DNAH1: variants seen among roughly 807,000 people sequenced by gnomAD.
DNAH1 encodes dynein axonemal heavy chain 1, also known as axonemal beta dynein heavy chain 1.
A neutral mutation model predicts 484.3 loss-of-function variants in DNAH1; 327 were observed. That is an observed-to-expected ratio of 0.68 (90% CI 0.62 to 0.74). The LOEUF (loss-of-function observed/expected upper bound fraction) is 0.74, where lower values mean the gene tolerates loss of function less well. Ranked by LOEUF, DNAH1 falls within the 30% of genes least tolerant of loss-of-function variation. DNAH1 has a pLI of 0.00. For synonymous variants in DNAH1, 2,192 were observed against 2,191.9 expected, an observed-to-expected ratio of 1.00 and a Z score of 0.00; for missense variants, 5,052 against 5,546.8, an observed-to-expected ratio of 0.91 and a Z score of 2.83.
intron 56 of DNAH1, 122 bp downstream of exon 56, chr3:52,386,975 GTC>G (rs1385814892): frequency 1.9e-6 from 2 of 1,042,512 alleles, no homozygotes; most frequent in Non-Finnish European, 2.7e-6. Flanking sequence ...CCTCTGTCCT[GTC>G]TCTCTCTGTC....
chr3:52,344,966 C>G (rs913444660), intron 9 of DNAH1, among the ~76,000 whole-genome samples: 8 of 152,206 alleles, frequency 5.3e-5, no homozygotes, highest in African/African-American at 1.7e-4. Context: ...GATAGTCCTT[C>G]TTCCTCCAGT....
Position 52,399,097 on chromosome 3 carries a change from T to C in DNAH1, c.12337T>C (p.Trp4113Arg). ...WIQDGIPAVF[W>R]ISGFFFPQAF... The stretch of plus-strand genomic sequence containing the variant: ...CCAAGATGGCATCCCAGCTGTCTTC[T>C]GGATCAGTGGATTCTTCTTCCCCCA... The change falls in exon 76 of 78, where the codon TGG becomes CGG. Residue 4113 changes from tryptophan (W) to arginine (R), a missense_variant. This residue lies in a region of DNAH1 where 853 missense variants were observed against 899.0 expected (regional missense o/e 0.95). Transcript: ENST00000420323. 1 of 1,614,080 alleles carries C rather than the reference T, an allele frequency of 6.2e-7. No homozygotes were observed. The highest frequency in any genetic ancestry group is 1.7e-5 in the Admixed American group (1 of 60,028).
intron 8 of DNAH1, among the ~76,000 whole-genome samples, chr3:52,340,481 C>A (rs1701896676): frequency 6.6e-6 from 1 of 151,922 alleles, no homozygotes; most frequent in African/African-American, 2.4e-5. Context: ...GTCACTCAGT[C>A]TGGAGAGCAG....
At chr3:52,370,353 C>A in intron 39 of DNAH1, 124 bp downstream of exon 39, 2 of 1,530,258 alleles carry the variant, frequency 1.3e-6, no homozygotes, top group Non-Finnish European at 1.8e-6. Flanking sequence ...ACAAGACCAC[C>A]TGTCCAATTG....
intron 46 of DNAH1, among the ~76,000 whole-genome samples, chr3:52,377,915 C>G (rs555922215): frequency 6.6e-6 from 1 of 152,144 alleles, no homozygotes; most frequent in Non-Finnish European, 1.5e-5. Context: ...GTCGTCCTTA[C>G]CAACAAGAGT....
At position 52,379,751 on chromosome 3, in the gene DNAH1, G is replaced by A. The variant is rs1232325068; in HGVS notation, c.7378-154G>A. On this transcript the variant is annotated intron_variant, in intron 47 of 77. Transcript: ENST00000420323. The surrounding 1 kb of genome is among the most constrained non-coding windows in gnomAD (Gnocchi z 4.4). The stretch of plus-strand genomic sequence containing the variant: ...AGCCAGCCAGCAGTTGCACTTGCCA[G>A]CAGCCCCCACACACTGTCCCTGGGC... Among the ~76,000 whole-genome samples, 1 of 152,098 alleles carries A rather than the reference G, an allele frequency of 6.6e-6. No individual in the cohort carries two copies. The highest frequency in any genetic ancestry group is 2.4e-5 in the African/African-American group (1 of 41,406).
intron 6 of DNAH1, among the ~76,000 whole-genome samples, chr3:52,329,856 A>C (rs1282649513): frequency 2.0e-5 from 3 of 151,960 alleles, no homozygotes; most frequent in African/African-American, 7.2e-5. Flanking sequence ...CAAACAAAAC[A>C]AAAATAAACA....
intron 6 of DNAH1, among the ~76,000 whole-genome samples, chr3:52,329,756 C>T (rs1338617307): frequency 6.6e-6 from 1 of 150,866 alleles, no homozygotes; most frequent in Non-Finnish European, 1.5e-5. Context: ...ACCTGGAAAG[C>T]GGAGGTTGGA....
intron 1 of DNAH1, among the ~76,000 whole-genome samples, chr3:52,320,880 A>C (rs1315628863): frequency 6.9e-6 from 1 of 143,994 alleles, no homozygotes; most frequent in Non-Finnish European, 1.5e-5. Flanking sequence ...GGCTCCTTGC[A>C]ACCTCTGTCT....
intron 8 of DNAH1, among the ~76,000 whole-genome samples, chr3:52,339,372 TC>T (rs1399381940): frequency 6.6e-6 from 1 of 152,160 alleles, no homozygotes; most frequent in Non-Finnish European, 1.5e-5. Context: ...TTCAGCTTCC[TC>T]CCCGTGATAC....
intron 71 of DNAH1, 34 bp from the exon 72 acceptor site, chr3:52,396,584 G>A (rs867505528): frequency 2.3e-5 from 37 of 1,609,612 alleles, no homozygotes; most frequent in Middle Eastern, 1.6e-4. Flanking sequence ...CCCCGTCCCC[G>A]CTCCTCACCT....
intron 12 of DNAH1, 40 bp downstream of exon 12, chr3:52,348,014 C>T: frequency 6.4e-7 from 1 of 1,568,456 alleles, no homozygotes; most frequent in Non-Finnish European, 8.7e-7. Flanking sequence ...GCACCTGCTG[C>T]CCTGGCTGCT....
In DNAH1 at chr3:52,382,485, CG is replaced by C. The variant is rs755541008; in HGVS notation, c.7941+37del. The C allele has an allele frequency of 1.6e-5, 25 of 1,610,562 alleles. No homozygotes were observed. The East Asian group carries it at 2.7e-4, about 17-fold the overall frequency. ...CACTGCCACAGCAGAGGGCAGGGCTCGGGGGGGCTGGACACAACCCCATCTG... is the reference window on the plus strand; with the variant it reads ...CACTGCCACAGCAGAGGGCAGGGCTCGGGGGGCTGGACACAACCCCATCTG... On this transcript the variant is annotated intron_variant, in intron 50 of 77. Transcript: ENST00000420323.
At position 52,386,184 on chromosome 3, in the gene DNAH1, A is replaced by T; in HGVS notation, c.8650A>T (p.Thr2884Ser). 6.2e-7 allele frequency: 1 copy of T among 1,613,396 alleles called. No homozygotes were observed. Among genetic ancestry groups the T allele is most frequent in the South Asian group, 1.1e-5 (1 of 91,020 alleles). The change falls in exon 55 of 78, where the codon ACC becomes TCC. Residue 2884 changes from threonine to serine, a missense_variant. Physicochemically the swap from Thr to Ser is moderately conservative, Grantham distance 58. Coordinates refer to ENST00000420323, the MANE Select transcript of DNAH1 (RefSeq NM_015512.5). ...IKVDTAIAEETRNSVQTEEIK... is the reference protein window; with the variant it reads ...IKVDTAIAEESRNSVQTEEIK... ...GGTGGATACGGCCATCGCCGAGGAG[A>T]CCCGGAATTCAGTGCAGACAGAGGA...
intron 2 of DNAH1, among the ~76,000 whole-genome samples, chr3:52,323,217 C>T (rs1701214015): frequency 6.6e-6 from 1 of 151,866 alleles, no homozygotes; most frequent in Non-Finnish European, 1.5e-5. Flanking sequence ...ATGTTCCAGG[C>T]AGGGGGAGAC....
chr3:52,320,821 G>A (rs1202223865), intron 1 of DNAH1, among the ~76,000 whole-genome samples: 1 of 35,018 alleles, frequency 2.9e-5, no homozygotes, highest in South Asian at 7.9e-4. Context: ...TTTTTTTTTT[G>A]ACGGAATCTC....
At position 52,393,044 on chromosome 3, in the gene DNAH1, GC is replaced by G; in HGVS notation, c.10474+20del. ...AGAGCAGGTAGCACCGGCATGCCAG[GC>G]TCCTACCCTGCACAGATATGACCCA... is the stretch of plus-strand genomic sequence containing the variant. On this transcript the variant is annotated intron_variant, in intron 65 of 77. Transcript: ENST00000420323. 1.2e-6 allele frequency: 2 copies of G among 1,610,862 alleles called. No individual in the cohort carries two copies. The highest frequency in any genetic ancestry group is 1.7e-6 in the Non-Finnish European group (2 of 1,177,898).
At chr3:52,337,873 C>T (rs1180942926) in intron 8 of DNAH1, among the ~76,000 whole-genome samples, 1 of 152,240 alleles carries the variant, frequency 6.6e-6, no homozygotes, top group Non-Finnish European at 1.5e-5. Context: ...TAGCTCACTT[C>T]AGCCTTGACC....
At chr3:52,349,566 A>C (rs994273278) in intron 14 of DNAH1, 146 bp downstream of exon 14, 6 of 792,878 alleles carry the variant, frequency 7.6e-6, no homozygotes, top group South Asian at 3.4e-5. Flanking sequence ...GCTGGAAATC[A>C]CCCTGCCCCA....
Sources: gnomAD v4.1 joint callset for allele counts (sites outside exome capture counted in the v4.1 genomes callset) on GRCh38, gnomAD v4.1.1 for gene constraint, gnomAD v4.1.1 regional missense constraint, Gnocchi (gnomAD v3.1) non-coding constraint, MANE v1.5 for transcripts, NCBI Gene and HGNC (gene_info 2026-07-23, HGNC 2026-07-21) for gene names.